Variants in FGGY observed in about 807,000 individuals in gnomAD.
The protein encoded by FGGY is FGGY carbohydrate kinase domain containing, also known as FGGY carbohydrate kinase domain-containing protein.
A neutral mutation model predicts 71.3 loss-of-function variants in FGGY; 72 were observed. The observed-to-expected ratio is 1.01, with a 90% CI of 0.84 to 1.23. The LOEUF (loss-of-function observed/expected upper bound fraction) is 1.23. Ranked by LOEUF, FGGY falls within the 50% of genes most tolerant of loss-of-function variation. FGGY has a pLI of 0.00. For missense variants in FGGY, 668 were observed against 682.3 expected (o/e 0.98, Z 0.23); for synonymous variants, 251 against 250.3 (o/e 1.00, Z -0.02).
intron 14 of FGGY, among the ~76,000 whole-genome samples, chr1:59,709,671 G>A (rs2097780235): frequency 6.6e-6 from 1 of 152,218 alleles, no homozygotes; most frequent in African/African-American, 2.4e-5. Flanking sequence ...CTATCAGTTA[G>A]GTCAGTAGTT....
intron 4 of FGGY, among the ~76,000 whole-genome samples, chr1:59,353,398 G>GT (rs2053667374): frequency 6.6e-6 from 1 of 152,112 alleles, no homozygotes; most frequent in African/African-American, 2.4e-5. Context: ...TGAGTGATAT[G>GT]TTTTTTCCTG....
chr1:59,373,637 C>T (rs373275938), intron 4 of FGGY, among the ~76,000 whole-genome samples: 14 of 152,236 alleles, frequency 9.2e-5, no homozygotes, highest in Non-Finnish European at 1.5e-4. Flanking sequence ...GGAGGCATCA[C>T]GCTACCTGAC....
intron 5 of FGGY, among the ~76,000 whole-genome samples, chr1:59,450,277 A>G (rs1034441409): frequency 2.0e-5 from 3 of 152,228 alleles, no homozygotes; most frequent in Non-Finnish European, 2.9e-5. Flanking sequence ...CTCATTATAT[A>G]TAATACACTT....
chr1:59,427,938 A>T (rs138186080), intron 5 of FGGY, among the ~76,000 whole-genome samples: 1 of 152,266 alleles, frequency 6.6e-6, no homozygotes, highest in African/African-American at 2.4e-5. Flanking sequence ...GTGGGACTGG[A>T]TTAAGGACAG....
chr1:59,406,229 G>GTTTTTTTTTTTTTTTTTTTTTTT (rs2062727031), intron 5 of FGGY, among the ~76,000 whole-genome samples: 1 of 126,566 alleles, frequency 7.9e-6, no homozygotes, highest in Non-Finnish European at 1.8e-5. Flanking sequence ...GAAATGCTCA[G>GTTTTTTTTTTTTTTTTTTTTTTT]AGAGGAGGAT....
intron 6 of FGGY, among the ~76,000 whole-genome samples, chr1:59,482,453 C>G (rs1392496713): frequency 6.6e-6 from 1 of 151,960 alleles, no homozygotes; most frequent in Non-Finnish European, 1.5e-5. Flanking sequence ...AAAATGACCA[C>G]TTATCTAAGA....
At chr1:59,372,640 C>A (rs1045918087) in intron 4 of FGGY, among the ~76,000 whole-genome samples, 3 of 152,168 alleles carry the variant, frequency 2.0e-5, no homozygotes, top group African/African-American at 7.2e-5. Flanking sequence ...CCTTGATGAA[C>A]ATTGATGCAA....
At chr1:59,724,822 C>T (rs2097928025) in intron 14 of FGGY, among the ~76,000 whole-genome samples, 2 of 152,132 alleles carry the variant, frequency 1.3e-5, no homozygotes, top group Non-Finnish European at 2.9e-5. Context: ...TTTTTCACTA[C>T]ATTGCTTGTT....
At chr1:59,747,422 T>G (rs2098209331) in intron 14 of FGGY, among the ~76,000 whole-genome samples, 2 of 152,172 alleles carry the variant, frequency 1.3e-5, no homozygotes, top group Non-Finnish European at 2.9e-5. Context: ...GGAATGAAAC[T>G]TTCCCTTGCT....
At chr1:59,667,449 C>A in intron 13 of FGGY, 46 bp downstream of exon 13, 3 of 1,604,782 alleles carry the variant, frequency 1.9e-6, no homozygotes, top group Non-Finnish European at 1.7e-6. Flanking sequence ...GGCTTGGCAG[C>A]AAATGGGCAT....
At chr1:59,420,926 C>G (rs2153442963) in intron 5 of FGGY, among the ~76,000 whole-genome samples, 1 of 151,610 alleles carries the variant, frequency 6.6e-6, no homozygotes. Context: ...GTGCCAACTG[C>G]TGTTTTAGGA....
At chr1:59,572,753 A>G (rs1041057028) in intron 8 of FGGY, among the ~76,000 whole-genome samples, 2 of 152,194 alleles carry the variant, frequency 1.3e-5, no homozygotes, top group African/African-American at 4.8e-5. Flanking sequence ...CAGGGCAAAC[A>G]CAATAGAGGC....
At chr1:59,420,809 A>T (rs2065268856) in intron 5 of FGGY, among the ~76,000 whole-genome samples, 1 of 151,710 alleles carries the variant, frequency 6.6e-6, no homozygotes, top group Non-Finnish European at 1.5e-5. Context: ...CTCTTTGATG[A>T]CACTAACAGA....
chr1:59,436,905 A>G (rs1016995608), intron 5 of FGGY, among the ~76,000 whole-genome samples: 1 of 152,162 alleles, frequency 6.6e-6, no homozygotes, highest in Non-Finnish European at 1.5e-5. Context: ...CCTTGGAGAA[A>G]GGTCAGGAGG....
At chr1:59,412,833 C>G (rs1260396005) in intron 5 of FGGY, among the ~76,000 whole-genome samples, 2 of 152,076 alleles carry the variant, frequency 1.3e-5, no homozygotes, top group Non-Finnish European at 1.5e-5. Context: ...GAGAGTGGGC[C>G]ACGTGGGGCC....
At chr1:59,487,209 T>C (rs2093683916) in intron 6 of FGGY, among the ~76,000 whole-genome samples, 1 of 152,196 alleles carries the variant, frequency 6.6e-6, no homozygotes, top group African/African-American at 2.4e-5. Flanking sequence ...TTGAGCTCCC[T>C]GTGTAGGATG....
intron 5 of FGGY, among the ~76,000 whole-genome samples, chr1:59,404,881 C>T (rs1015726509): frequency 2.0e-5 from 3 of 152,154 alleles, no homozygotes; most frequent in Non-Finnish European, 2.9e-5. Flanking sequence ...GTCTTCTCCA[C>T]GTACTGCCGC....
chr1:59,691,684 G>A (rs560945506), intron 14 of FGGY, among the ~76,000 whole-genome samples: 2 of 137,658 alleles, frequency 1.5e-5, no homozygotes, highest in East Asian at 2.1e-4. Context: ...GGGAAAGTCT[G>A]ATTACTTTGG....
chr1:59,565,579 T>C (rs2095862098), intron 8 of FGGY, among the ~76,000 whole-genome samples: 1 of 152,164 alleles, frequency 6.6e-6, no homozygotes, highest in Non-Finnish European at 1.5e-5. Flanking sequence ...CCACCGCGCC[T>C]GGCCGTAAGT....
Sources: allele counts gnomAD v4.1 joint callset (sites outside exome capture counted in the v4.1 genomes callset), GRCh38; gene constraint gnomAD v4.1.1; transcripts MANE v1.5; gene names NCBI Gene and HGNC (gene_info 2026-07-23, HGNC 2026-07-21).